Variants in TMCC1 observed in about 807,000 individuals in gnomAD.
TMCC1 encodes the protein transmembrane and coiled-coil domains protein 1.
Under a neutral mutation model 52.4 loss-of-function variants are expected in TMCC1, and 15 were observed. The ratio of observed to expected loss-of-function variants is 0.29; its 90% CI spans 0.19 to 0.44. TMCC1 has a LOEUF of 0.44. Among genes scored for constraint, TMCC1 ranks in the 20% least tolerant of loss-of-function variants. TMCC1 has a pLI of 1.00. For missense variants in TMCC1, 503 were observed against 806.0 expected, an observed-to-expected ratio of 0.62 and a Z score of 4.55; for synonymous variants, 279 against 301.9, an observed-to-expected ratio of 0.92 and a Z score of 0.79.
chr3:129,691,138 C>T lies in TMCC1; in HGVS notation c.577-19874G>A, dbSNP rs2047002589. On this transcript the variant is annotated intron_variant, in intron 4 of 6. Coordinates refer to ENST00000393238, the MANE Select transcript of TMCC1 (RefSeq NM_001017395.5). ...TGATAATTTGGTTTTATGGTTTGAC[C>T]ATTTGAGGTCTCTACAGAAGAGTGA... 2.0e-5 allele frequency among the ~76,000 whole-genome samples: 3 copies of T among 152,302 alleles called. No individual in the cohort carries two copies. In the South Asian group the frequency reaches 6.2e-4, roughly 32 times the overall value.
chr3:129,877,228 A>G lies in TMCC1; in HGVS notation c.-184+3081T>C, dbSNP rs571549099. 6.6e-4 allele frequency among the ~76,000 whole-genome samples: 100 copies of G among 152,340 alleles called. 3 individuals are homozygous for G. The South Asian group carries it at 0.02, about 31-fold the overall frequency. ...ACTAAAACTACCCTTTATCAAGGTT[A>G]CCAATAACTGCCACATTGTTAAATC... On this transcript the variant is annotated intron_variant, in intron 2 of 6. Transcript: ENST00000393238.
chr3:129,837,549 G>A (rs1177368275), intron 2 of TMCC1, among the ~76,000 whole-genome samples: 2 of 152,152 alleles, frequency 1.3e-5, no homozygotes, highest in African/African-American at 4.8e-5. Context: ...GAAACTAGCA[G>A]TCTTCAGTAA....
At chr3:129,692,935 C>T (rs148436867) in intron 4 of TMCC1, among the ~76,000 whole-genome samples, 60 of 152,126 alleles carry the variant, frequency 3.9e-4, no homozygotes, top group African/African-American at 1.2e-3. Flanking sequence ...GTCCATCTCC[C>T]GGGCTCAAGT....
At chr3:129,735,695 T>C (rs983693202) in intron 4 of TMCC1, among the ~76,000 whole-genome samples, 3 of 147,486 alleles carry the variant, frequency 2.0e-5, no homozygotes, top group Non-Finnish European at 3.0e-5. Context: ...GAAGATTTAA[T>C]ACGTTTCAAA....
At chr3:129,855,024 G>A (rs1373697969) in intron 2 of TMCC1, among the ~76,000 whole-genome samples, 1 of 152,190 alleles carries the variant, frequency 6.6e-6, no homozygotes, top group Admixed American at 6.5e-5. Flanking sequence ...GACTGCCTAA[G>A]TCAAAGTTCA....
chr3:129,723,912 ATTTTT>A (rs5852573), intron 4 of TMCC1, among the ~76,000 whole-genome samples: 1 of 141,434 alleles, frequency 7.1e-6, no homozygotes, highest in Non-Finnish European at 1.5e-5. Flanking sequence ...TCAGGATGAG[ATTTTT>A]TTTTTTTTTT....
At chr3:129,712,209 C>T (rs141463092) in intron 4 of TMCC1, among the ~76,000 whole-genome samples, 9 of 151,890 alleles carry the variant, frequency 5.9e-5, no homozygotes, top group Non-Finnish European at 8.8e-5. Context: ...AATCCTAGAT[C>T]GAATGCATTT....
At chr3:129,723,911 G>T (rs921087446) in intron 4 of TMCC1, among the ~76,000 whole-genome samples, 1 of 82,824 alleles carries the variant, frequency 1.2e-5, no homozygotes, top group Non-Finnish European at 2.4e-5. Context: ...TTCAGGATGA[G>T]ATTTTTTTTT....
At position 129,688,565 on chromosome 3, in the gene TMCC1, C is replaced by T; in HGVS notation, c.577-17301G>A. On this transcript the variant is annotated intron_variant, in intron 4 of 6. Coordinates refer to ENST00000393238, the MANE Select transcript of TMCC1 (RefSeq NM_001017395.5). ...TCGCATAGCCAATCCTCCGCAGTGCCCACCTCAGCCTATGTATAGTTTCAA... is the reference window on the plus strand; with the variant it reads ...TCGCATAGCCAATCCTCCGCAGTGCTCACCTCAGCCTATGTATAGTTTCAA... The T allele has an allele frequency of 3.0e-6, 3 of 985,512 alleles. No homozygotes were observed. The African/African-American group carries it at 5.2e-5, about 17-fold the overall frequency. 61.0% of individuals were successfully genotyped at this position (985,512 alleles called of 1,614,324 possible).
At chr3:129,864,405 A>G (rs988642857) in intron 2 of TMCC1, among the ~76,000 whole-genome samples, 3 of 152,174 alleles carry the variant, frequency 2.0e-5, no homozygotes, top group African/African-American at 7.2e-5. Flanking sequence ...ATCCAAAGTG[A>G]TAACTGCACT....
chr3:129,673,829 GAAAAAAA>G (rs58816036), intron 4 of TMCC1, among the ~76,000 whole-genome samples: 1 of 146,958 alleles, frequency 6.8e-6, no homozygotes. Flanking sequence ...TCTCTAAAAT[GAAAAAAA>G]AAAAAAATCT....
At chr3:129,883,307 C>T (rs1293598011) in intron 1 of TMCC1, among the ~76,000 whole-genome samples, 1 of 149,394 alleles carries the variant, frequency 6.7e-6, no homozygotes, top group Non-Finnish European at 1.5e-5. Flanking sequence ...GCGAGACAAT[C>T]AATCAATCAA....
chr3:129,714,440 A>C (rs779570515), intron 4 of TMCC1, among the ~76,000 whole-genome samples: 2 of 152,152 alleles, frequency 1.3e-5, no homozygotes, highest in Non-Finnish European at 2.9e-5. Context: ...ATTTTCACTT[A>C]TCATTTGTAT....
intron 4 of TMCC1, among the ~76,000 whole-genome samples, chr3:129,674,352 C>T (rs1197386266): frequency 6.6e-6 from 1 of 152,112 alleles, no homozygotes; most frequent in Non-Finnish European, 1.5e-5. Context: ...GCTGATAGAA[C>T]CCAACGTCTT....
chr3:129,689,828 C>T (rs1340315713), intron 4 of TMCC1, among the ~76,000 whole-genome samples: 1 of 152,140 alleles, frequency 6.6e-6, no homozygotes, highest in African/African-American at 2.4e-5. Flanking sequence ...CCTGACTTTC[C>T]ACAACAAATT....
At chr3:129,807,025 A>C (rs2057507083) in intron 4 of TMCC1, among the ~76,000 whole-genome samples, 1 of 152,200 alleles carries the variant, frequency 6.6e-6, no homozygotes, top group Non-Finnish European at 1.5e-5. Context: ...ATATGTGATA[A>C]CATGGATCAA....
At chr3:129,823,517 T>C (rs780898628) in intron 4 of TMCC1, among the ~76,000 whole-genome samples, 21 of 152,154 alleles carry the variant, frequency 1.4e-4, no homozygotes, top group Non-Finnish European at 2.6e-4. Context: ...TCATAGGCTA[T>C]GATAACATCA....
intron 5 of TMCC1, among the ~76,000 whole-genome samples, chr3:129,669,987 TG>T (rs2087782508): frequency 6.7e-6 from 1 of 150,136 alleles, no homozygotes; most frequent in Non-Finnish European, 1.5e-5. Context: ...ACATTTTGCT[TG>T]GGTGATATCT....
chr3:129,827,618 T>C, intron 4 of TMCC1, 185 bp downstream of exon 4: 1 of 648,280 alleles, frequency 1.5e-6, no homozygotes, highest in African/African-American at 1.8e-5. Context: ...GAAATAGGAA[T>C]ATAATTCTAA....
Sources: gnomAD v4.1 joint callset for allele counts (sites outside exome capture counted in the v4.1 genomes callset) on GRCh38, gnomAD v4.1.1 for gene constraint, MANE v1.5 for transcripts, NCBI Gene and HGNC (gene_info 2026-07-23, HGNC 2026-07-21) for gene names.